LRRCC1: variants seen among roughly 807,000 people sequenced by gnomAD.
LRRCC1 encodes the protein leucine-rich repeat and coiled-coil domain-containing protein 1.
LRRCC1 carries 115 observed loss-of-function variants against 126.0 expected under a neutral mutation model. That is an observed-to-expected ratio of 0.91 (90% CI 0.78 to 1.07). The LOEUF (loss-of-function observed/expected upper bound fraction) is 1.07, where lower values mean the gene tolerates loss of function less well. Ranked by LOEUF, LRRCC1 falls within the 50% of genes least tolerant of loss-of-function variation. LRRCC1 has a pLI of 0.00. For missense variants in LRRCC1, 1,172 were observed against 1,175.7 expected (o/e 1.00, Z 0.05); for synonymous variants, 400 against 393.4 (o/e 1.02, Z -0.20).
At chr8:85,129,609 G>A (rs2403088) in intron 10 of LRRCC1, among the ~76,000 whole-genome samples, 108,499 of 152,152 alleles carry the variant, frequency 0.71, 39,348 homozygotes, top group African/African-American at 0.81. Flanking sequence ...TGTTGCAGGT[G>A]GTTAGGCTTT....
intron 9 of LRRCC1, among the ~76,000 whole-genome samples, chr8:85,128,354 C>T (rs892983207): frequency 6.6e-6 from 1 of 151,982 alleles, no homozygotes; most frequent in African/African-American, 2.4e-5. Context: ...CCCGTGTTTC[C>T]CAAGTTATGT....
At position 85,115,670 on chromosome 8, in the gene LRRCC1, T is replaced by C. The variant is rs998637010; in HGVS notation, c.930+86T>C. 2.8e-5 allele frequency: 26 copies of C among 938,970 alleles called. No individual in the cohort carries two copies. In the African/African-American group the frequency reaches 4.1e-4, roughly 15 times the overall value. The allele number at this position is 938,970 out of a possible 1,614,324, so 58.2% of individuals were successfully genotyped here. A position where few individuals can be genotyped will look rare whatever the true frequency, so the allele number is the denominator to read the frequency against. The stretch of plus-strand genomic sequence containing the variant: ...TGTAAAATAAAAATTATGTACTAGC[T>C]GACCAACCTATTTTAGTGCATCAGT... On this transcript the variant is annotated intron_variant, in intron 6 of 18. Coordinates refer to ENST00000360375, the MANE Select transcript of LRRCC1 (RefSeq NM_033402.5).
chr8:85,130,446 C>T (rs1810385576), intron 11 of LRRCC1, among the ~76,000 whole-genome samples: 1 of 151,848 alleles, frequency 6.6e-6, no homozygotes, highest in African/African-American at 2.4e-5. Flanking sequence ...CTGGCCCCCA[C>T]CACCAGTATT....
At chr8:85,143,391 G>A (rs1811398657) in intron 18 of LRRCC1, among the ~76,000 whole-genome samples, 1 of 151,906 alleles carries the variant, frequency 6.6e-6, no homozygotes, top group African/African-American at 2.4e-5. Context: ...ACACTTATTA[G>A]GAGGTTGAGG....
chr8:85,145,589 C>T lies in LRRCC1; in HGVS notation c.*78C>T. ...TGATTAAATATTGTAATAGTAGTAACTGCTATGACTTTGAAATGTCTCTTT... is the reference window on the plus strand; with the variant it reads ...TGATTAAATATTGTAATAGTAGTAATTGCTATGACTTTGAAATGTCTCTTT... On this transcript the variant is annotated 3_prime_UTR_variant, in exon 19 of 19. Coordinates refer to ENST00000360375, the MANE Select transcript of LRRCC1 (RefSeq NM_033402.5). 8.4e-7 allele frequency: 1 copy of T among 1,189,080 alleles called. No homozygotes were observed. Among genetic ancestry groups the T allele is most frequent in the Non-Finnish European group, 1.2e-6 (1 of 863,846 alleles). The allele number at this position is 1,189,080 out of a possible 1,614,324, so 73.7% of individuals were successfully genotyped here. A position where few individuals can be genotyped will look rare whatever the true frequency, so the allele number is the denominator to read the frequency against.
At chr8:85,129,537 A>C (rs1056998335) in intron 10 of LRRCC1, among the ~76,000 whole-genome samples, 158 bp downstream of exon 10, 2 of 152,250 alleles carry the variant, frequency 1.3e-5, no homozygotes, top group Admixed American at 6.5e-5. Context: ...CTGTTGAATT[A>C]TGTCTAAATT....
chr8:85,107,390 G>A lies in LRRCC1; in HGVS notation c.95G>A (p.Gly32Asp). The change falls in exon 1 of 19, where the codon GGC (glycine) becomes GAC (aspartate). Residue 32 changes from glycine (G) to aspartate (D), a missense_variant. Gly to Asp is a moderately conservative substitution (Grantham distance 94). Coordinates refer to ENST00000360375, the MANE Select transcript of LRRCC1 (RefSeq NM_033402.5). ...SCGDVCFMDK[G>D]LQSISELSLD... The stretch of plus-strand genomic sequence containing the variant: ...GGGGATGTATGCTTCATGGACAAAG[G>A]CTTGCAGAGGTAAAGGGCGCTCCGC... 2 of 1,612,290 alleles carry A rather than the reference G, an allele frequency of 1.2e-6. No individual in the cohort carries two copies. Among genetic ancestry groups the A allele is most frequent in the Non-Finnish European group, 1.7e-6 (2 of 1,178,694 alleles).
Position 85,123,592 on chromosome 8 carries a change from C to A in LRRCC1, c.1110C>A (p.Tyr370Ter). The A allele has an allele frequency of 1.3e-6, 2 of 1,574,516 alleles. No homozygotes were observed. The highest frequency in any genetic ancestry group is 1.2e-5 in the South Asian group (1 of 83,692). Residue 370 changes from tyrosine to a stop codon, truncating the protein, a stop_gained, in exon 7 of 19, where the codon TAC (tyrosine) becomes TAA (stop). Coordinates refer to ENST00000360375, the MANE Select transcript of LRRCC1 (RefSeq NM_033402.5). LOFTEE classifies it high-confidence loss of function. Reference protein sequence around the residue: ...IQTIKHHNKNYNSFVSCNRKM... With the variant: ...IQTIKHHNKN ...CTATTAAGCACCACAATAAAAACTA[C>A]AACTCTTTTGTAAGGTACTTGTTTT...
chr8:85,114,218 C>G (rs902640713), intron 4 of LRRCC1, among the ~76,000 whole-genome samples: 1 of 149,958 alleles, frequency 6.7e-6, no homozygotes, highest in Non-Finnish European at 1.5e-5. Context: ...TCTGCTAAAC[C>G]CTCAAGTTGG....
chr8:85,136,334 G>C (rs887531226), intron 14 of LRRCC1, among the ~76,000 whole-genome samples: 1 of 151,948 alleles, frequency 6.6e-6, no homozygotes, highest in African/African-American at 2.4e-5. Context: ...GAGTGCAGTA[G>C]CGCAGTCTCG....
Position 85,138,596 on chromosome 8 carries a change from G to C in LRRCC1, c.2840+121G>C. 3.9e-6 allele frequency: 4 copies of C among 1,022,242 alleles called. No homozygotes were observed. In the South Asian group the frequency reaches 7.0e-5, roughly 18 times the overall value. The allele number at this position is 1,022,242 out of a possible 1,614,324, so 63.3% of individuals were successfully genotyped here. ...GTAAGACATAGTTATTTGCCAAGAA[G>C]TTTATTTCCATTTCATCTGTAAAAT... On this transcript the variant is annotated intron_variant, in intron 17 of 18. Coordinates refer to ENST00000360375, the MANE Select transcript of LRRCC1 (RefSeq NM_033402.5).
At chr8:85,115,003 G>A (rs901342084) in intron 4 of LRRCC1, 97 bp from the exon 5 acceptor site, 57 of 863,094 alleles carry the variant, frequency 6.6e-5, no homozygotes, top group Non-Finnish European at 8.9e-5. Flanking sequence ...GAACTATTCC[G>A]GGTGATGTAT....
chr8:85,115,350 A>G (rs2135929200), intron 5 of LRRCC1, 25 bp from the exon 6 acceptor site: 1 of 1,589,092 alleles, frequency 6.3e-7, no homozygotes, highest in East Asian at 2.2e-5. Context: ...AATTAAAAGG[A>G]TTTTGGTTTG....
chr8:85,144,402 A>ATGTG (rs56280153), intron 18 of LRRCC1, among the ~76,000 whole-genome samples: 27 of 138,114 alleles, frequency 2.0e-4, no homozygotes, highest in Admixed American at 1.6e-3. Flanking sequence ...TAGAGTTAAA[A>ATGTG]TGTGTGTGTG....
intron 17 of LRRCC1, among the ~76,000 whole-genome samples, chr8:85,139,071 A>G (rs1029724455): frequency 3.3e-5 from 5 of 152,102 alleles, no homozygotes; most frequent in Non-Finnish European, 5.9e-5. Flanking sequence ...AAGAATTGCT[A>G]TATGAACATT....
chr8:85,138,896 A>G (rs188063699), intron 17 of LRRCC1, among the ~76,000 whole-genome samples: 39 of 152,154 alleles, frequency 2.6e-4, no homozygotes, highest in African/African-American at 8.9e-4. Flanking sequence ...AATAGAAAAA[A>G]TTAGCCAGGC....
At chr8:85,142,068 G>A (rs966615210) in intron 18 of LRRCC1, among the ~76,000 whole-genome samples, 1 of 152,122 alleles carries the variant, frequency 6.6e-6, no homozygotes, top group Non-Finnish European at 1.5e-5. Flanking sequence ...GGCCAAGGCG[G>A]GTGGATCATG....
At chr8:85,144,564 G>A (rs1811533613) in intron 18 of LRRCC1, among the ~76,000 whole-genome samples, 1 of 146,246 alleles carries the variant, frequency 6.8e-6, no homozygotes, top group South Asian at 2.1e-4. Context: ...CACCTCCTGG[G>A]TTCAAGTGAC....
chr8:85,109,819 T>C lies in LRRCC1; in HGVS notation c.310+19T>C, dbSNP rs1295136747. ...GTAGAAGGTTTGTAAGTGATTTTCA[T>C]TTAACACTTAGCGTAAGGAAAATGA... is the stretch of plus-strand genomic sequence containing the variant. On this transcript the variant is annotated intron_variant, in intron 2 of 18. Coordinates refer to ENST00000360375, the MANE Select transcript of LRRCC1 (RefSeq NM_033402.5). 1.5e-6 allele frequency: 2 copies of C among 1,331,536 alleles called. No individual in the cohort carries two copies. Among genetic ancestry groups the C allele is most frequent in the Admixed American group, 4.0e-5 (2 of 49,616 alleles). The allele number at this position is 1,331,536 out of a possible 1,614,324, so 82.5% of individuals were successfully genotyped here.
Sources: allele counts gnomAD v4.1 joint callset (sites outside exome capture counted in the v4.1 genomes callset), GRCh38; gene constraint gnomAD v4.1.1; transcripts MANE v1.5; gene names NCBI Gene and HGNC (gene_info 2026-07-23, HGNC 2026-07-21).